The following C11orf54 variants were observed in gnomAD, a reference collection of about 807,000 sequenced individuals.
C11orf54 encodes beta-keto L-gulonate decarboxylase.
C11orf54 carries 29 observed loss-of-function variants against 35.5 expected under a neutral mutation model. The observed-to-expected ratio is 0.82, with a 90% CI of 0.61 to 1.11. C11orf54 has a LOEUF of 1.11. C11orf54 is among the 50% of genes most tolerant of loss of function. C11orf54 has a pLI of 0.00. For synonymous variants in C11orf54, 108 were observed against 121.1 expected (o/e 0.89, Z 0.71); for missense variants, 373 against 369.2 (o/e 1.01, Z -0.08).
At chr11:93,745,116 T>G (rs1172059779) in intron 1 of C11orf54, among the ~76,000 whole-genome samples, 1 of 152,170 alleles carries the variant, frequency 6.6e-6, no homozygotes, top group Admixed American at 6.5e-5. Flanking sequence ...CACAGGGTGG[T>G]TTTCTCCTAT....
intron 5 of C11orf54, chr11:93,754,728 C>CTTTTTTTTTTTTTTTTTTTTTTTTTTT: frequency 1.1e-5 from 1 of 92,052 alleles, no homozygotes; most frequent in African/African-American, 4.1e-5. Flanking sequence ...CAATAAATAT[C>CTTTTTTTTTTTTTTTTTTTTTTTTTTT]TTTTTTTTTT....
chr11:93,761,224 AG>A, intron 8 of C11orf54, among the ~76,000 whole-genome samples: 1 of 152,216 alleles, frequency 6.6e-6, no homozygotes, highest in Non-Finnish European at 1.5e-5. Flanking sequence ...CATGCAGAAA[AG>A]TGTGTACAAA....
chr11:93,753,936 G>A lies in C11orf54; in HGVS notation c.229G>A (p.Val77Ile), dbSNP rs1163563446. 1.2e-6 allele frequency: 2 copies of A among 1,613,364 alleles called. No individual in the cohort carries two copies. The highest frequency in any genetic ancestry group is 2.2e-5 in the South Asian group (2 of 91,062). Residue 77 changes from valine (V) to isoleucine (I), a missense_variant and splice_region_variant, in exon 5 of 9, where the codon GTT becomes ATT. Val to Ile is a conservative substitution (Grantham distance 29). Coordinates refer to ENST00000354421, the MANE Select transcript of C11orf54 (RefSeq NM_001286069.2). Reference sequence around the variant, plus strand: ...AATAATATTTTTTCCTCTTCTATAGGTTTATGATCTGAATAAAATTGCAAA... The same window carrying A: ...AATAATATTTTTTCCTCTTCTATAGATTTATGATCTGAATAAAATTGCAAA... ...YLLPLVNQKK[V>I]YDLNKIAKEI... is the part of the protein sequence containing the mutation.
intron 2 of C11orf54, among the ~76,000 whole-genome samples, chr11:93,749,768 T>C (rs1317774728): frequency 2.0e-5 from 3 of 152,230 alleles, no homozygotes; most frequent in Non-Finnish European, 4.4e-5. Flanking sequence ...AGTATGCTAA[T>C]CTTGAGTGTA....
rs567683367 is a variant in C11orf54, at chr11:93,752,908, G to A, written c.155-774G>A. 1.4e-4 allele frequency among the ~76,000 whole-genome samples: 21 copies of A among 151,932 alleles called. No individual in the cohort carries two copies. In the East Asian group the frequency reaches 3.7e-3, roughly 27 times the overall value. The stretch of plus-strand genomic sequence containing the variant: ...ACCCAGCCTCCTGAGTAGTACGCCC[G>A]GCTAATTTTTTGTATTTTTGGTAAA... On this transcript the variant is annotated intron_variant, in intron 3 of 8. Coordinates refer to ENST00000354421, the MANE Select transcript of C11orf54 (RefSeq NM_001286069.2).
intron 3 of C11orf54, among the ~76,000 whole-genome samples, chr11:93,753,360 AT>A (rs35387809): frequency 2.6e-5 from 4 of 151,926 alleles, no homozygotes; most frequent in African/African-American, 7.2e-5. Context: ...CCCAAAATAG[AT>A]TTTTTTTAAA....
intron 2 of C11orf54, among the ~76,000 whole-genome samples, chr11:93,748,753 TTGAACCTGGGAGGCAGAAG>T (rs1942629951): frequency 6.6e-6 from 1 of 151,678 alleles, no homozygotes; most frequent in African/African-American, 2.4e-5. Flanking sequence ...CAAGAATCAC[TTGAACCTGGGAGGCAGAAG>T]TTACGTTGAG....
At position 93,761,594 on chromosome 11, in the gene C11orf54, C is replaced by T. The variant is rs750882847; in HGVS notation, c.854C>T (p.Pro285Leu). Residue 285 changes from proline (P) to leucine (L), a missense_variant, in exon 9 of 9, where the codon CCA becomes CTA. Coordinates refer to ENST00000354421, the MANE Select transcript of C11orf54 (RefSeq NM_001286069.2). ...GGACACTACCATTATGACACTACTC[C>T]AGATATAGTGGAATATCTTGGATAC... is the stretch of plus-strand genomic sequence containing the variant. ...EGGHYHYDTT[P>L]DIVEYLGYFL... is the part of the protein sequence containing the mutation. The T allele has an allele frequency of 7.4e-6, 12 of 1,613,026 alleles. No homozygotes were observed. The highest frequency in any genetic ancestry group is 1.7e-5 in the Admixed American group (1 of 59,914).
At chr11:93,743,628 C>T (rs986363289) in intron 1 of C11orf54, among the ~76,000 whole-genome samples, 4 of 152,186 alleles carry the variant, frequency 2.6e-5, no homozygotes, top group African/African-American at 7.2e-5. Context: ...CATGCAGGCC[C>T]TGCGGCTGTG....
intron 1 of C11orf54, among the ~76,000 whole-genome samples, chr11:93,745,147 C>A (rs555573042): frequency 1.1e-4 from 16 of 152,160 alleles, no homozygotes; most frequent in African/African-American, 3.9e-4. Flanking sequence ...AACGAATAGT[C>A]GGCTTTACAC....
chr11:93,749,778 A>G (rs1259976716), intron 2 of C11orf54, among the ~76,000 whole-genome samples: 2 of 152,230 alleles, frequency 1.3e-5, no homozygotes, highest in Non-Finnish European at 2.9e-5. Flanking sequence ...TCTTGAGTGT[A>G]CAGCTTGATG....
chr11:93,755,410 A>G (rs965980904), intron 6 of C11orf54, 24 bp downstream of exon 6: 22 of 1,605,230 alleles, frequency 1.4e-5, no homozygotes, highest in Non-Finnish European at 1.8e-5. Flanking sequence ...TAAAAATACA[A>G]TATTCCCTAA....
chr11:93,748,184 C>G (rs1942587280), intron 2 of C11orf54, among the ~76,000 whole-genome samples: 1 of 151,936 alleles, frequency 6.6e-6, no homozygotes, highest in African/African-American at 2.4e-5. Flanking sequence ...TTGTAACTTT[C>G]CTCTTATAAT....
intron 1 of C11orf54, among the ~76,000 whole-genome samples, chr11:93,743,380 T>A (rs1942255311): frequency 6.6e-6 from 1 of 152,228 alleles, no homozygotes; most frequent in African/African-American, 2.4e-5. Context: ...TGAAGCAGGA[T>A]ATTCCTCTGA....
At chr11:93,757,208 TA>T in intron 6 of C11orf54, 107 bp from the exon 7 acceptor site, 1 of 1,259,442 alleles carries the variant, frequency 7.9e-7, no homozygotes, top group Non-Finnish European at 1.1e-6. Flanking sequence ...CTGGGGGCTC[TA>T]AGCAAAGAAC....
intron 6 of C11orf54, among the ~76,000 whole-genome samples, 183 bp downstream of exon 6, chr11:93,755,569 G>A (rs1243219574): frequency 1.3e-5 from 2 of 151,946 alleles, no homozygotes; most frequent in African/African-American, 4.8e-5. Context: ...TGGTCAACAT[G>A]GTGAAACCCC....
rs879164036 is a variant in C11orf54, at chr11:93,749,143, C to CAA, written c.56-1185_56-1184dup. On this transcript the variant is annotated intron_variant, in intron 2 of 8. Transcript: ENST00000354421. ...TGGGTGACAGGGTGAGACTCCATCT[C>CAA]AAAAAAAAAAAAAAAAAAAGACATT... Among the ~76,000 whole-genome samples, 420 of 54,130 alleles carry CAA rather than the reference C, an allele frequency of 7.8e-3. 2 individuals carry two copies. The highest frequency in any genetic ancestry group is 0.026 in the African/African-American group (395 of 15,318). 35.5% of individuals were successfully genotyped at this position (54,130 alleles called of 152,430 possible).
chr11:93,751,699 C>T (rs918088255), intron 3 of C11orf54, among the ~76,000 whole-genome samples: 3 of 152,064 alleles, frequency 2.0e-5, no homozygotes, highest in Admixed American at 6.5e-5. Context: ...CCACCACGCC[C>T]AGCCTTGATT....
rs1174237982 is a variant in C11orf54, at chr11:93,745,538, G to A, written c.-97-1759G>A. On this transcript the variant is annotated intron_variant, in intron 1 of 8. Coordinates refer to ENST00000354421, the MANE Select transcript of C11orf54 (RefSeq NM_001286069.2). The stretch of plus-strand genomic sequence containing the variant: ...GCACAGGGTTGGGGCTAAAGTTACA[G>A]ATTAACAGCATCTCAAAGCAAAACA... 2.0e-5 allele frequency among the ~76,000 whole-genome samples: 3 copies of A among 152,330 alleles called. No individual in the cohort carries two copies. The East Asian group carries it at 5.8e-4, about 29-fold the overall frequency.
Sources: gnomAD v4.1 joint callset for allele counts (sites outside exome capture counted in the v4.1 genomes callset) on GRCh38, gnomAD v4.1.1 for gene constraint, MANE v1.5 for transcripts, NCBI Gene and HGNC (gene_info 2026-07-23, HGNC 2026-07-21) for gene names.